SPAG16: variants seen among roughly 807,000 people sequenced by gnomAD.
SPAG16 encodes sperm-associated antigen 16 protein.
In SPAG16, 86 loss-of-function variants were observed where a neutral mutation model predicts 80.4. The ratio of observed to expected loss-of-function variants is 1.07; its 90% CI spans 0.90 to 1.28. SPAG16 has a LOEUF of 1.28. SPAG16 is among the 50% of genes most tolerant of loss of function. The pLI is 0.00. For synonymous variants in SPAG16, 294 were observed against 265.9 expected (o/e 1.11, Z -1.03); for missense variants, 870 against 765.3 (o/e 1.14, Z -1.61).
intron 15 of SPAG16, among the ~76,000 whole-genome samples, chr2:214,203,511 G>T (rs958943904): frequency 5.3e-5 from 8 of 152,154 alleles, no homozygotes; most frequent in Non-Finnish European, 1.2e-4. Flanking sequence ...AAGTATGAAA[G>T]GGGGATCATC....
rs1553640485 is a variant in SPAG16 at position 213,833,465 on chromosome 2, T to TG, written c.1071-29020_1071-29019insG. Among the ~76,000 whole-genome samples the TG allele has an allele frequency of 2.1e-4, 2 of 9,728 alleles. 1 individual carries two copies. The highest frequency in any genetic ancestry group is 6.7e-4 in the African/African-American group (2 of 2,994). The allele number at this position is 9,728 out of a possible 152,430, so 6.4% of individuals were successfully genotyped here. A position where few individuals can be genotyped will look rare whatever the true frequency, so the allele number is the denominator to read the frequency against. ...TGTATATATATATATTATATATATA[T>TG]TATATATAATAATATATATATTATA... On this transcript the variant is annotated intron_variant, in intron 10 of 15. Transcript: ENST00000331683.
chr2:214,304,195 T>C (rs1559197277), intron 15 of SPAG16, among the ~76,000 whole-genome samples: 1 of 152,228 alleles, frequency 6.6e-6, no homozygotes, highest in Non-Finnish European at 1.5e-5. Flanking sequence ...AATCTTGTTC[T>C]TTGTTATTGT....
chr2:213,297,606 C>G (rs984383914), intron 3 of SPAG16, among the ~76,000 whole-genome samples: 2 of 152,156 alleles, frequency 1.3e-5, no homozygotes, highest in Non-Finnish European at 2.9e-5. Context: ...TCTCTCTGAA[C>G]TCTGATTAAT....
At chr2:213,375,246 GT>G in intron 9 of SPAG16, 127 bp downstream of exon 9, 1 of 650,812 alleles carries the variant, frequency 1.5e-6, no homozygotes, top group Non-Finnish European at 2.6e-6. Flanking sequence ...GGGCTGCTTG[GT>G]TTATACATGG....
chr2:214,118,421 T>C (rs2054048837), intron 14 of SPAG16, among the ~76,000 whole-genome samples: 1 of 152,174 alleles, frequency 6.6e-6, no homozygotes, highest in Non-Finnish European at 1.5e-5. Flanking sequence ...CTTCTCACAC[T>C]GCTATAAAGG....
At chr2:214,298,287 T>C (rs1694303427) in intron 15 of SPAG16, among the ~76,000 whole-genome samples, 2 of 152,088 alleles carry the variant, frequency 1.3e-5, no homozygotes, top group Admixed American at 1.3e-4. Context: ...ACATTGATTT[T>C]TGTATCCTGA....
chr2:214,249,351 T>G (rs957173857), intron 15 of SPAG16, among the ~76,000 whole-genome samples: 1 of 151,774 alleles, frequency 6.6e-6, no homozygotes, highest in South Asian at 2.1e-4. Context: ...AGTAAAGACA[T>G]TTTTCAGCAT....
chr2:213,764,859 CTT>C (rs911620531), intron 10 of SPAG16, among the ~76,000 whole-genome samples: 21 of 152,208 alleles, frequency 1.4e-4, no homozygotes, highest in African/African-American at 4.6e-4. Context: ...CATTTTAACA[CTT>C]TGTTTCTCAA....
intron 15 of SPAG16, among the ~76,000 whole-genome samples, chr2:214,401,249 T>G (rs1270658072): frequency 6.6e-6 from 1 of 151,942 alleles, no homozygotes. Flanking sequence ...CCTCTCCACA[T>G]GCATTCAAAA....
At chr2:213,537,268 T>A (rs1175023520) in intron 10 of SPAG16, among the ~76,000 whole-genome samples, 1 of 151,838 alleles carries the variant, frequency 6.6e-6, no homozygotes, top group East Asian at 1.9e-4. Context: ...CATATGTAAC[T>A]AACCTTCACA....
At chr2:213,466,945 T>C (rs2072732315) in intron 9 of SPAG16, among the ~76,000 whole-genome samples, 2 of 152,174 alleles carry the variant, frequency 1.3e-5, no homozygotes, top group South Asian at 4.1e-4. Context: ...TAGTGGTATG[T>C]AGAAAAAGGC....
At chr2:214,170,205 C>G in intron 15 of SPAG16, among the ~76,000 whole-genome samples, 1 of 90,312 alleles carries the variant, frequency 1.1e-5, no homozygotes. Flanking sequence ...TACATATACA[C>G]ACACACTTAG....
intron 14 of SPAG16, among the ~76,000 whole-genome samples, chr2:214,126,627 A>G (rs1242232411): frequency 6.6e-6 from 1 of 151,838 alleles, no homozygotes; most frequent in Non-Finnish European, 1.5e-5. Flanking sequence ...CAGCAATGTT[A>G]TTGCAGTGAG....
chr2:213,402,445 C>CTT (rs1484182744), intron 9 of SPAG16, among the ~76,000 whole-genome samples: 2 of 151,706 alleles, frequency 1.3e-5, no homozygotes, highest in Non-Finnish European at 2.9e-5. Context: ...TATTATTATA[C>CTT]TTTAAGTTTT....
intron 9 of SPAG16, among the ~76,000 whole-genome samples, chr2:213,415,549 G>C (rs981402588): frequency 4.6e-5 from 7 of 152,200 alleles, no homozygotes; most frequent in African/African-American, 1.7e-4. Flanking sequence ...TGTAGGTATT[G>C]GGAAGAATAG....
chr2:214,328,799 A>G (rs1696682244), intron 15 of SPAG16, among the ~76,000 whole-genome samples: 1 of 152,180 alleles, frequency 6.6e-6, no homozygotes, highest in African/African-American at 2.4e-5. Flanking sequence ...TTCTTCATGA[A>G]AGCTTCAATT....
intron 9 of SPAG16, among the ~76,000 whole-genome samples, chr2:213,438,534 C>T (rs1269967185): frequency 1.3e-5 from 2 of 152,142 alleles, no homozygotes; most frequent in Non-Finnish European, 2.9e-5. Flanking sequence ...ACAATGTTAC[C>T]CACAAAGCTT....
intron 15 of SPAG16, among the ~76,000 whole-genome samples, chr2:214,300,904 T>G (rs1167889520): frequency 1.3e-5 from 2 of 151,450 alleles, no homozygotes; most frequent in Admixed American, 1.3e-4. Flanking sequence ...TCCTAACTCA[T>G]TTAAAAAAAA....
At chr2:214,319,805 T>A (rs1409854243) in intron 15 of SPAG16, among the ~76,000 whole-genome samples, 1 of 152,210 alleles carries the variant, frequency 6.6e-6, no homozygotes, top group Non-Finnish European at 1.5e-5. Context: ...AGGAGCTTGA[T>A]TTGTCATTTA....
Sources: allele counts gnomAD v4.1 joint callset (sites outside exome capture counted in the v4.1 genomes callset), GRCh38; gene constraint gnomAD v4.1.1; transcripts MANE v1.5; gene names NCBI Gene and HGNC (gene_info 2026-07-23, HGNC 2026-07-21).